Variants in TMEM132C observed in about 807,000 individuals in gnomAD.
TMEM132C encodes protein phosphatase 1, regulatory subunit 152.
Under a neutral mutation model 61.4 loss-of-function variants are expected in TMEM132C, and 29 were observed. The observed-to-expected ratio is 0.47, with a 90% confidence interval of 0.35 to 0.64. The LOEUF is 0.64. TMEM132C is among the 30% of genes least tolerant of loss of function. TMEM132C has a pLI of 0.00. For missense variants in TMEM132C, 1,408 were observed against 1,476.9 expected (o/e 0.95, Z 0.76); for synonymous variants, 656 against 633.1 (o/e 1.04, Z -0.54).
At chr12:128,614,864 C>T (rs144186043) in intron 3 of TMEM132C, among the ~76,000 whole-genome samples, 26 of 152,286 alleles carry the variant, frequency 1.7e-4, no homozygotes, top group South Asian at 8.3e-4. Context: ...GACAGGGCAG[C>T]CAGTGATAAC....
chr12:128,364,795 G>T (rs979189881), intron 1 of TMEM132C, among the ~76,000 whole-genome samples: 11 of 152,266 alleles, frequency 7.2e-5, no homozygotes, highest in African/African-American at 2.6e-4. Context: ...ACTCTGATGT[G>T]CTGAGGGCTT....
At chr12:128,677,509 G>T (rs1954600869) in intron 5 of TMEM132C, among the ~76,000 whole-genome samples, 1 of 152,118 alleles carries the variant, frequency 6.6e-6, no homozygotes. Flanking sequence ...CCTCAAGGAG[G>T]GGACACTGGA....
At chr12:128,491,611 T>C (rs1871725454) in intron 2 of TMEM132C, among the ~76,000 whole-genome samples, 1 of 152,202 alleles carries the variant, frequency 6.6e-6, no homozygotes, top group Non-Finnish European at 1.5e-5. Flanking sequence ...AACTGGATCC[T>C]GCTCCTACTC....
At chr12:128,359,806 C>T (rs767615560) in intron 1 of TMEM132C, among the ~76,000 whole-genome samples, 2 of 152,164 alleles carry the variant, frequency 1.3e-5, no homozygotes, top group Non-Finnish European at 2.9e-5. Context: ...AAGTAGATGC[C>T]GTTCAACAGA....
At chr12:128,348,054 A>T (rs1873227654) in intron 1 of TMEM132C, among the ~76,000 whole-genome samples, 1 of 152,220 alleles carries the variant, frequency 6.6e-6, no homozygotes, top group Non-Finnish European at 1.5e-5. Context: ...AACAATATGC[A>T]TCTTCCAGTC....
chr12:128,298,205 G>C (rs141439979), intron 1 of TMEM132C, among the ~76,000 whole-genome samples: 2 of 152,112 alleles, frequency 1.3e-5, no homozygotes, highest in South Asian at 2.1e-4. Flanking sequence ...ACCCCAGTGC[G>C]GCTCCCATTG....
intron 2 of TMEM132C, among the ~76,000 whole-genome samples, chr12:128,428,883 G>C (rs1454705748): frequency 6.6e-6 from 1 of 152,202 alleles, no homozygotes; most frequent in East Asian, 1.9e-4. Context: ...ACTTCAGTAA[G>C]ATAATTTTAA....
At chr12:128,600,824 C>T (rs755951096) in intron 3 of TMEM132C, among the ~76,000 whole-genome samples, 2 of 152,152 alleles carry the variant, frequency 1.3e-5, no homozygotes, top group Non-Finnish European at 2.9e-5. Context: ...GATGGATGGA[C>T]AAATGGATGA....
chr12:128,506,938 C>T (rs1320720968), intron 2 of TMEM132C, among the ~76,000 whole-genome samples: 4 of 152,152 alleles, frequency 2.6e-5, no homozygotes, highest in African/African-American at 9.7e-5. Flanking sequence ...AAGGCACCCT[C>T]TTTCTTCAGC....
intron 2 of TMEM132C, among the ~76,000 whole-genome samples, chr12:128,456,829 T>G (rs1437577545): frequency 1.3e-5 from 2 of 152,212 alleles, no homozygotes; most frequent in Non-Finnish European, 2.9e-5. Context: ...ATCTGCTCCA[T>G]GCCGAAGCAA....
At chr12:128,484,060 A>G (rs1871403332) in intron 2 of TMEM132C, among the ~76,000 whole-genome samples, 1 of 152,156 alleles carries the variant, frequency 6.6e-6, no homozygotes, top group Non-Finnish European at 1.5e-5. Flanking sequence ...CTTAGACTGA[A>G]GAGCATTTGC....
chr12:128,376,951 A>T (rs1874211299), intron 1 of TMEM132C, among the ~76,000 whole-genome samples: 2 of 152,200 alleles, frequency 1.3e-5, no homozygotes, highest in African/African-American at 4.8e-5. Flanking sequence ...CTCTGGAAAC[A>T]TCCATCTCTC....
intron 6 of TMEM132C, among the ~76,000 whole-genome samples, chr12:128,695,360 A>AT (rs60655999): frequency 0.015 from 2,178 of 149,190 alleles, 39 homozygotes; most frequent in East Asian, 0.063. Flanking sequence ...TCTCTACAGA[A>AT]TTTTTTTTTT....
chr12:128,449,984 C>T (rs1166307611), intron 2 of TMEM132C, among the ~76,000 whole-genome samples: 1 of 152,128 alleles, frequency 6.6e-6, no homozygotes, highest in Non-Finnish European at 1.5e-5. Flanking sequence ...TCCCAGCCTG[C>T]CTAGAGAGGG....
chr12:128,453,017 C>T (rs1487230638), intron 2 of TMEM132C, among the ~76,000 whole-genome samples: 1 of 152,152 alleles, frequency 6.6e-6, no homozygotes, highest in Non-Finnish European at 1.5e-5. Flanking sequence ...GATGGGGATA[C>T]ACACCTGGCT....
chr12:128,589,210 G>T (rs1875659159), intron 3 of TMEM132C, among the ~76,000 whole-genome samples: 1 of 152,154 alleles, frequency 6.6e-6, no homozygotes. Context: ...CGAAGGCAAG[G>T]CGCACAAGGA....
chr12:128,319,367 G>A (rs548073249), intron 1 of TMEM132C, among the ~76,000 whole-genome samples: 2 of 149,692 alleles, frequency 1.3e-5, no homozygotes, highest in South Asian at 4.3e-4. Context: ...GAGAGAGAGA[G>A]AGAGACAGAG....
chr12:128,438,654 G>A (rs766897742), intron 2 of TMEM132C, among the ~76,000 whole-genome samples: 12 of 152,078 alleles, frequency 7.9e-5, no homozygotes, highest in Non-Finnish European at 1.6e-4. Flanking sequence ...TGAAAAATAT[G>A]GTGGTATTTA....
intron 1 of TMEM132C, among the ~76,000 whole-genome samples, chr12:128,385,939 G>A (rs1196070941): frequency 6.6e-6 from 1 of 152,104 alleles, no homozygotes; most frequent in Non-Finnish European, 1.5e-5. Flanking sequence ...CTGAACTTGG[G>A]GTGAAGGCTA....
Sources: gnomAD v4.1 joint callset for allele counts (sites outside exome capture counted in the v4.1 genomes callset) on GRCh38, gnomAD v4.1.1 for gene constraint, MANE v1.5 for transcripts, NCBI Gene and HGNC (gene_info 2026-07-23, HGNC 2026-07-21) for gene names.